COL25A1: variants seen among roughly 807,000 people sequenced by gnomAD.
COL25A1 encodes the protein collagen alpha-1(XXV) chain.
A neutral mutation model predicts 128.4 loss-of-function variants in COL25A1; 103 were observed. The ratio of observed to expected loss-of-function variants is 0.80; its 90% CI spans 0.68 to 0.94. COL25A1 has a LOEUF of 0.94. COL25A1 is among the 40% of genes least tolerant of loss of function. The pLI, the probability that COL25A1 is intolerant of heterozygous loss-of-function variation, is 0.00. For missense variants in COL25A1, 745 were observed against 840.0 expected (o/e 0.89, Z 1.40); for synonymous variants, 279 against 277.2 (o/e 1.01, Z -0.06).
rs147061444 is a variant in COL25A1, at chr4:109,139,319, C to T, written c.368-89140G>A. ...GATAGCTTCTTTTGCTGTGCAGAAG[C>T]TCTTTAGTTTAATTAGATCTCATTT... On this transcript the variant is annotated intron_variant, in intron 3 of 37. Coordinates refer to ENST00000399132, the MANE Select transcript of COL25A1 (RefSeq NM_198721.4). Among the ~76,000 whole-genome samples, 675 of 152,258 alleles carry T rather than the reference C, an allele frequency of 4.4e-3. 6 individuals are homozygous for T. Among genetic ancestry groups the T allele is most frequent in the Non-Finnish European group, 7.6e-3 (517 of 68,014 alleles).
At chr4:109,032,155 G>C (rs1182184626) in intron 5 of COL25A1, among the ~76,000 whole-genome samples, 1 of 152,052 alleles carries the variant, frequency 6.6e-6, no homozygotes, top group African/African-American at 2.4e-5. Flanking sequence ...GAAATGTTGA[G>C]TGACTTGTCT....
chr4:109,259,860 C>G (rs1021007871), intron 3 of COL25A1, among the ~76,000 whole-genome samples: 5 of 152,142 alleles, frequency 3.3e-5, no homozygotes, highest in African/African-American at 1.2e-4. Flanking sequence ...AGTTTCAAAA[C>G]AACAGAAAAA....
At chr4:109,217,843 T>C (rs188576619) in intron 3 of COL25A1, among the ~76,000 whole-genome samples, 1 of 152,320 alleles carries the variant, frequency 6.6e-6, no homozygotes, top group African/African-American at 2.4e-5. Context: ...AAAAAGTTTG[T>C]ACATGTTCAG....
At chr4:109,115,994 C>T (rs191694712) in intron 3 of COL25A1, among the ~76,000 whole-genome samples, 1 of 152,120 alleles carries the variant, frequency 6.6e-6, no homozygotes, top group African/African-American at 2.4e-5. Flanking sequence ...CAAATCACGG[C>T]TCCAAAAACT....
chr4:109,046,010 A>G (rs1760392313), intron 5 of COL25A1, among the ~76,000 whole-genome samples: 1 of 152,212 alleles, frequency 6.6e-6, no homozygotes, highest in Non-Finnish European at 1.5e-5. Flanking sequence ...TCCATGTTAT[A>G]ACACAACTAT....
At chr4:108,925,004 GTTAC>G (rs1365168620) in intron 11 of COL25A1, among the ~76,000 whole-genome samples, 3 of 152,088 alleles carry the variant, frequency 2.0e-5, no homozygotes, top group Admixed American at 6.5e-5. Flanking sequence ...TAATTGTCTG[GTTAC>G]TTCTTTATTC....
chr4:109,125,657 A>G (rs1235615617), intron 3 of COL25A1, among the ~76,000 whole-genome samples: 1 of 152,128 alleles, frequency 6.6e-6, no homozygotes, highest in Non-Finnish European at 1.5e-5. Flanking sequence ...TTTTAACATC[A>G]TTATTATTGT....
chr4:109,205,010 T>C (rs1448380865), intron 3 of COL25A1, among the ~76,000 whole-genome samples: 3 of 152,214 alleles, frequency 2.0e-5, no homozygotes, highest in African/African-American at 7.2e-5. Context: ...TGTGTGATTG[T>C]TCCAATATAA....
intron 11 of COL25A1, among the ~76,000 whole-genome samples, chr4:108,929,133 T>C (rs545223572): frequency 2.6e-5 from 4 of 152,082 alleles, no homozygotes; most frequent in Non-Finnish European, 5.9e-5. Context: ...TTTTGTTTTG[T>C]TTTGTTTTGA....
chr4:108,898,621 C>A (rs962128308), intron 15 of COL25A1, among the ~76,000 whole-genome samples: 5 of 152,138 alleles, frequency 3.3e-5, no homozygotes, highest in African/African-American at 1.2e-4. Flanking sequence ...TTGTGGGCAA[C>A]CTTCAGATAA....
chr4:109,246,047 A>G (rs1338788587), intron 3 of COL25A1, among the ~76,000 whole-genome samples: 9 of 150,532 alleles, frequency 6.0e-5, no homozygotes, highest in Non-Finnish European at 7.4e-5. Flanking sequence ...TTTAAAAAAC[A>G]TAAACAATAC....
At chr4:109,259,225 G>A (rs1364163381) in intron 3 of COL25A1, among the ~76,000 whole-genome samples, 4 of 151,918 alleles carry the variant, frequency 2.6e-5, no homozygotes, top group East Asian at 1.9e-4. Context: ...TCAATAGAGC[G>A]GTTGAAAAAA....
intron 8 of COL25A1, among the ~76,000 whole-genome samples, chr4:108,966,932 G>A (rs958823201): frequency 9.6e-5 from 12 of 124,610 alleles, no homozygotes; most frequent in Non-Finnish European, 2.0e-4. Context: ...GAAAAAGAGA[G>A]AAAGAAAGAG....
chr4:109,136,591 T>C (rs1373315820), intron 3 of COL25A1, among the ~76,000 whole-genome samples: 2 of 152,288 alleles, frequency 1.3e-5, no homozygotes, highest in South Asian at 2.1e-4. Context: ...GAATGTCCCA[T>C]TGCTTGGAAC....
At chr4:108,874,536 G>T (rs1011275422) in intron 19 of COL25A1, among the ~76,000 whole-genome samples, 1 of 151,920 alleles carries the variant, frequency 6.6e-6, no homozygotes, top group Non-Finnish European at 1.5e-5. Flanking sequence ...TTCAAAATGA[G>T]CCATTTTAGA....
chr4:108,863,561 C>T (rs932963553), intron 20 of COL25A1, among the ~76,000 whole-genome samples, 174 bp from the exon 21 acceptor site: 1 of 152,174 alleles, frequency 6.6e-6, no homozygotes, highest in Non-Finnish European at 1.5e-5. Context: ...ATAATCAAAA[C>T]AATTTGTGAT....
chr4:109,010,693 G>C (rs904444983), intron 5 of COL25A1, among the ~76,000 whole-genome samples: 1 of 152,110 alleles, frequency 6.6e-6, no homozygotes, highest in African/African-American at 2.4e-5. Flanking sequence ...TGTGATGAAG[G>C]GGTTACTTAA....
At chr4:109,048,643 T>G (rs866092874) in intron 4 of COL25A1, among the ~76,000 whole-genome samples, 1 of 152,176 alleles carries the variant, frequency 6.6e-6, no homozygotes, top group South Asian at 2.1e-4. Context: ...TGCAAAAGAC[T>G]AGGTCCTCAC....
At chr4:109,233,092 A>G (rs951894355) in intron 3 of COL25A1, among the ~76,000 whole-genome samples, 7 of 152,238 alleles carry the variant, frequency 4.6e-5, no homozygotes, top group African/African-American at 1.7e-4. Flanking sequence ...CCTTCCAAAT[A>G]TGGCTTTCAC....
Sources: allele counts gnomAD v4.1 joint callset (sites outside exome capture counted in the v4.1 genomes callset), GRCh38; gene constraint gnomAD v4.1.1; transcripts MANE v1.5; gene names NCBI Gene and HGNC (gene_info 2026-07-23, HGNC 2026-07-21).